The following MCPH1 variants were observed in gnomAD, a reference collection of about 807,000 sequenced individuals.
The protein encoded by MCPH1 is microcephalin.
A neutral mutation model predicts 84.5 loss-of-function variants in MCPH1; 104 were observed. That is an observed-to-expected ratio of 1.23 (90% CI 1.05 to 1.45). MCPH1 has a LOEUF of 1.45. Ranked by LOEUF, MCPH1 falls within the 40% of genes most tolerant of loss-of-function variation. The probability of loss-of-function intolerance (pLI) is 0.00; values close to 1 mark genes in which losing one functional copy is unlikely to be tolerated. For missense variants in MCPH1, 1,498 were observed against 1,005.7 expected (o/e 1.49, Z -6.62); for synonymous variants, 514 against 366.8 (o/e 1.40, Z -4.58).
chr8:6,557,876 C>A (rs1388553052), intron 12 of MCPH1, among the ~76,000 whole-genome samples: 1 of 152,118 alleles, frequency 6.6e-6, no homozygotes, highest in African/African-American at 2.4e-5. Flanking sequence ...ATCCACAAAG[C>A]TGACCAGGCC....
At chr8:6,516,355 A>G (rs769492359) in intron 12 of MCPH1, among the ~76,000 whole-genome samples, 1 of 152,192 alleles carries the variant, frequency 6.6e-6, no homozygotes, top group Admixed American at 6.5e-5. Flanking sequence ...GAAAGGAGAA[A>G]AGATTTAGCA....
intron 8 of MCPH1, among the ~76,000 whole-genome samples, chr8:6,453,109 C>T (rs1005397230): frequency 6.6e-6 from 1 of 152,164 alleles, no homozygotes; most frequent in Non-Finnish European, 1.5e-5. Context: ...CACTTAGGAG[C>T]AAACACGAAT....
At chr8:6,538,066 T>C (rs1212059183) in intron 12 of MCPH1, among the ~76,000 whole-genome samples, 2 of 152,182 alleles carry the variant, frequency 1.3e-5, no homozygotes, top group East Asian at 3.9e-4. Flanking sequence ...CATTTCAATT[T>C]CGAAATAGGA....
At chr8:6,447,068 C>T in intron 8 of MCPH1, 1 of 985,430 alleles carries the variant, frequency 1.0e-6, no homozygotes, top group Non-Finnish European at 1.2e-6. Flanking sequence ...GCGAGAGGAT[C>T]TTCTACAGTC....
chr8:6,450,043 T>A (rs934660592), intron 8 of MCPH1, among the ~76,000 whole-genome samples: 3 of 152,172 alleles, frequency 2.0e-5, no homozygotes, highest in Non-Finnish European at 4.4e-5. Context: ...TGATACAGAT[T>A]TTCTTCTTTG....
At chr8:6,626,905 T>G in intron 13 of MCPH1, 1 of 984,728 alleles carries the variant, frequency 1.0e-6, no homozygotes, top group Non-Finnish European at 1.2e-6. Flanking sequence ...GCCCTTTTAT[T>G]GTCTGGGCTC....
chr8:6,597,535 C>T (rs566827737), intron 12 of MCPH1, among the ~76,000 whole-genome samples: 2 of 152,140 alleles, frequency 1.3e-5, no homozygotes, highest in African/African-American at 4.8e-5. Context: ...ACCCGGAGCC[C>T]TCTCCCAGCC....
intron 12 of MCPH1, among the ~76,000 whole-genome samples, chr8:6,524,077 A>G (rs1166532327): frequency 6.6e-6 from 1 of 152,212 alleles, no homozygotes; most frequent in African/African-American, 2.4e-5. Context: ...TTTTAAAAAT[A>G]GAAAAACAGT....
intron 12 of MCPH1, among the ~76,000 whole-genome samples, chr8:6,524,163 A>G (rs1255359753): frequency 6.6e-6 from 1 of 152,204 alleles, no homozygotes; most frequent in Non-Finnish European, 1.5e-5. Context: ...TGCACATTGC[A>G]GAGTTTTGTT....
chr8:6,555,309 G>A (rs1391709330), intron 12 of MCPH1, among the ~76,000 whole-genome samples: 9 of 152,122 alleles, frequency 5.9e-5, no homozygotes, highest in African/African-American at 2.2e-4. Flanking sequence ...GCTGAATTTC[G>A]TCGTCCTGCC....
chr8:6,410,061 CT>C (rs1359206340), intron 2 of MCPH1, among the ~76,000 whole-genome samples: 1 of 151,952 alleles, frequency 6.6e-6, no homozygotes, highest in East Asian at 1.9e-4. Flanking sequence ...TCTCTGCCTT[CT>C]GGGTTCAAGC....
intron 12 of MCPH1, among the ~76,000 whole-genome samples, chr8:6,617,961 G>A (rs1162751365): frequency 1.1e-5 from 1 of 93,544 alleles, no homozygotes; most frequent in African/African-American, 3.9e-5. Flanking sequence ...CTATCTAGAT[G>A]GGGTCTGCCT....
At chr8:6,600,893 C>CCAGG (rs780647941) in intron 12 of MCPH1, among the ~76,000 whole-genome samples, 16 of 152,188 alleles carry the variant, frequency 1.1e-4, no homozygotes, top group Non-Finnish European at 2.2e-4. Flanking sequence ...AGACATCTCA[C>CCAGG]CCAGGAGACG....
chr8:6,532,196 C>A, intron 12 of MCPH1: 1 of 1,050,412 alleles, frequency 9.5e-7, no homozygotes, highest in Admixed American at 2.5e-5. Context: ...TCCTTAATTT[C>A]TTATCAATTC....
rs1315142156 is a variant in MCPH1 at position 6,409,377 on chromosome 8, C to T, written c.114+7C>T. 5 of 1,596,434 alleles carry T rather than the reference C, an allele frequency of 3.1e-6. No individual in the cohort carries two copies. The East Asian group carries it at 6.7e-5, about 21-fold the overall frequency. On this transcript the variant is annotated splice_region_variant and intron_variant, in intron 2 of 13. Coordinates refer to ENST00000344683, the MANE Select transcript of MCPH1 (RefSeq NM_024596.5). ...TGTGGATATGGGGGCAAAGGTAAGA[C>T]ACTTATTTTGCTGTTGATTCATATG...
chr8:6,435,978 G>A (rs540618975), intron 4 of MCPH1, 70 bp from the exon 5 acceptor site: 2 of 1,580,506 alleles, frequency 1.3e-6, no homozygotes, highest in African/African-American at 2.7e-5. Context: ...AGAAATGTAT[G>A]CGAAAGGGCT....
Position 6,643,400 on chromosome 8 carries a change from G to C in MCPH1, c.*351G>C. ...CTGCCTCAGCCTCCTGAGTAGCTGG[G>C]ATTACAGATGTGTGCCACCATGCCT... On this transcript the variant is annotated 3_prime_UTR_variant, in exon 14 of 14. Transcript: ENST00000344683. The C allele has an allele frequency of 3.2e-6, 1 of 314,780 alleles. No homozygotes were observed. Among genetic ancestry groups the C allele is most frequent in the South Asian group, 3.1e-5 (1 of 32,104 alleles). 19.5% of individuals were successfully genotyped at this position (314,780 alleles called of 1,614,324 possible). A position where few individuals can be genotyped will look rare whatever the true frequency, so the allele number is the denominator to read the frequency against.
At chr8:6,607,063 A>G (rs1015979278) in intron 12 of MCPH1, among the ~76,000 whole-genome samples, 2 of 152,236 alleles carry the variant, frequency 1.3e-5, no homozygotes, top group South Asian at 2.1e-4. Flanking sequence ...GATGGTGTTC[A>G]GGACACACTG....
At position 6,643,057 on chromosome 8, in the gene MCPH1, C is replaced by T; in HGVS notation, c.*8C>T. 1.9e-6 allele frequency: 3 copies of T among 1,612,584 alleles called. No individual in the cohort carries two copies. Among genetic ancestry groups the T allele is most frequent in the Non-Finnish European group, 2.5e-6 (3 of 1,178,686 alleles). On this transcript the variant is annotated 3_prime_UTR_variant, in exon 14 of 14. Coordinates refer to ENST00000344683, the MANE Select transcript of MCPH1 (RefSeq NM_024596.5). The stretch of plus-strand genomic sequence containing the variant: ...TACCTATTGTCACAATGACAGTGAC[C>T]TCACTGGCCTGTGGTGACTGCACAC...
Sources: gnomAD v4.1 joint callset for allele counts (sites outside exome capture counted in the v4.1 genomes callset) on GRCh38, gnomAD v4.1.1 for gene constraint, MANE v1.5 for transcripts, NCBI Gene and HGNC (gene_info 2026-07-23, HGNC 2026-07-21) for gene names.